Variants in DOCK3 observed in about 807,000 individuals in gnomAD.
The protein encoded by DOCK3 is dedicator of cytokinesis protein 3.
Under a neutral mutation model 265.6 loss-of-function variants are expected in DOCK3, and 60 were observed. That is an observed-to-expected ratio of 0.23 (90% CI 0.18 to 0.28). The LOEUF (loss-of-function observed/expected upper bound fraction) is 0.28. Ranked by LOEUF, DOCK3 falls within the 10% of genes least tolerant of loss-of-function variation. DOCK3 has a pLI of 1.00. For missense variants in DOCK3, 1,981 were observed against 2,594.3 expected (o/e 0.76, Z 5.14); for synonymous variants, 881 against 938.0 (o/e 0.94, Z 1.11).
intron 5 of DOCK3, among the ~76,000 whole-genome samples, chr3:51,005,356 C>T (rs1559924306): frequency 6.6e-6 from 1 of 152,136 alleles, no homozygotes; most frequent in Admixed American, 6.5e-5. Flanking sequence ...CTGACCTCTT[C>T]TTTTCTGTTT....
intron 3 of DOCK3, among the ~76,000 whole-genome samples, chr3:50,864,498 C>T (rs2047051426): frequency 6.6e-6 from 1 of 152,018 alleles, no homozygotes; most frequent in South Asian, 2.1e-4. Flanking sequence ...TTCAGGGCTT[C>T]CCCAACAATT....
At chr3:50,973,081 C>A (rs1575647551) in intron 5 of DOCK3, among the ~76,000 whole-genome samples, 1 of 25,714 alleles carries the variant, frequency 3.9e-5, no homozygotes, top group African/African-American at 1.4e-4. Flanking sequence ...TTTGCAGTTC[C>A]AACCTTTTAT....
chr3:50,873,390 T>A (rs2047530699), intron 3 of DOCK3, among the ~76,000 whole-genome samples: 1 of 152,154 alleles, frequency 6.6e-6, no homozygotes, highest in South Asian at 2.1e-4. Flanking sequence ...CAGTGCCTTA[T>A]CCTGCTGTGA....
At chr3:51,340,988 G>A (rs1004844458) in intron 37 of DOCK3, among the ~76,000 whole-genome samples, 1 of 152,198 alleles carries the variant, frequency 6.6e-6, no homozygotes, top group African/African-American at 2.4e-5. Context: ...TTAATCTGGA[G>A]GCTGGAACAG....
chr3:51,194,332 A>G (rs1171373137), intron 12 of DOCK3, among the ~76,000 whole-genome samples: 2 of 152,168 alleles, frequency 1.3e-5, no homozygotes, highest in Non-Finnish European at 2.9e-5. Flanking sequence ...CATTTGGTCT[A>G]TACTGGAGAA....
At chr3:51,140,785 G>A (rs2085019971) in intron 9 of DOCK3, among the ~76,000 whole-genome samples, 1 of 152,036 alleles carries the variant, frequency 6.6e-6, no homozygotes, top group African/African-American at 2.4e-5. Flanking sequence ...TTTGAATAAA[G>A]CCATTCTAGA....
At chr3:51,164,245 C>T (rs1177417687) in intron 12 of DOCK3, among the ~76,000 whole-genome samples, 4 of 152,140 alleles carry the variant, frequency 2.6e-5, no homozygotes, top group African/African-American at 9.7e-5. Flanking sequence ...GCCAGATAAC[C>T]TTCATAAGCA....
rs564471790 is a variant in DOCK3, at chr3:51,238,309, A to AT, written c.2102+725dup. Among the ~76,000 whole-genome samples, 23 of 151,186 alleles carry AT rather than the reference A, an allele frequency of 1.5e-4. No homozygotes were observed. In the East Asian group the frequency reaches 3.1e-3, roughly 21 times the overall value. On this transcript the variant is annotated intron_variant, in intron 21 of 52. Coordinates refer to ENST00000266037, the MANE Select transcript of DOCK3 (RefSeq NM_004947.5). ...AGGTGCCCACCACCACACCTGGCTA[A>AT]TTTTTTGTATTTTTAGTAGAGTCAG...
intron 9 of DOCK3, among the ~76,000 whole-genome samples, chr3:51,101,925 G>A (rs920334105): frequency 1.3e-5 from 2 of 152,122 alleles, no homozygotes; most frequent in Non-Finnish European, 2.9e-5. Flanking sequence ...TACCACTAAA[G>A]CTTTTCCAGA....
intron 1 of DOCK3, among the ~76,000 whole-genome samples, chr3:50,680,337 G>T (rs1335736084): frequency 1.3e-5 from 2 of 150,196 alleles, no homozygotes; most frequent in African/African-American, 4.9e-5. Flanking sequence ...TCAGCCTTCT[G>T]AGTAGCTGGG....
chr3:51,341,479 A>G (rs2085239901), intron 38 of DOCK3, 94 bp downstream of exon 38: 2 of 1,515,332 alleles, frequency 1.3e-6, no homozygotes, highest in Admixed American at 3.9e-5. Flanking sequence ...TGCAGGGGGT[A>G]GTGTGTGGGG....
At chr3:51,239,239 T>C (rs1427614423) in intron 21 of DOCK3, among the ~76,000 whole-genome samples, 1 of 49,686 alleles carries the variant, frequency 2.0e-5, no homozygotes, top group Admixed American at 1.5e-4. Flanking sequence ...AGACAGAGTC[T>C]CACTCTGTCA....
chr3:50,983,130 G>A (rs2077758643), intron 5 of DOCK3, among the ~76,000 whole-genome samples: 1 of 152,112 alleles, frequency 6.6e-6, no homozygotes, highest in Non-Finnish European at 1.5e-5. Context: ...CTGCTGCCTC[G>A]GCCCCCTCTG....
chr3:51,239,986 G>A (rs908455847), intron 21 of DOCK3, among the ~76,000 whole-genome samples: 2 of 152,102 alleles, frequency 1.3e-5, no homozygotes, highest in African/African-American at 4.8e-5. Flanking sequence ...TCTTCTGCTA[G>A]TTTAGGAATT....
At chr3:50,855,966 T>C (rs955255628) in intron 3 of DOCK3, among the ~76,000 whole-genome samples, 4 of 152,224 alleles carry the variant, frequency 2.6e-5, no homozygotes, top group Non-Finnish European at 4.4e-5. Flanking sequence ...ATGAGTTTGC[T>C]GAGGATAACA....
chr3:50,675,468 G>C lies in DOCK3; in HGVS notation c.37+168G>C. 6.6e-6 allele frequency among the ~76,000 whole-genome samples: 1 copy of C among 151,734 alleles called. No individual in the cohort carries two copies. The highest frequency in any genetic ancestry group is 2.4e-5 in the African/African-American group (1 of 41,468). The stretch of plus-strand genomic sequence containing the variant: ...CAGGTGCGGGTGCGGGTGCGGGTGC[G>C]GGGGTGGGCGCGGGTCTCTGTGCAG... On this transcript the variant is annotated intron_variant, in intron 1 of 52. Coordinates refer to ENST00000266037, the MANE Select transcript of DOCK3 (RefSeq NM_004947.5). The surrounding 1 kb of genome is among the most constrained non-coding windows in gnomAD (Gnocchi z 6.1).
At chr3:51,196,775 A>T (rs1028552350) in intron 12 of DOCK3, among the ~76,000 whole-genome samples, 11 of 152,188 alleles carry the variant, frequency 7.2e-5, no homozygotes, top group Admixed American at 2.6e-4. Flanking sequence ...TCTCATTCAT[A>T]TCCTGAATTG....
At chr3:50,967,920 AT>A (rs1405307929) in intron 5 of DOCK3, among the ~76,000 whole-genome samples, 1 of 152,124 alleles carries the variant, frequency 6.6e-6, no homozygotes, top group Non-Finnish European at 1.5e-5. Flanking sequence ...GCTGGGCCAT[AT>A]GGTAGTTCTG....
At chr3:51,295,280 T>C (rs544589193) in intron 27 of DOCK3, among the ~76,000 whole-genome samples, 1 of 152,306 alleles carries the variant, frequency 6.6e-6, no homozygotes, top group South Asian at 2.1e-4. Context: ...GGAGAGCCAG[T>C]GTGTGCAGAG....
Sources: gnomAD v4.1 joint callset for allele counts (sites outside exome capture counted in the v4.1 genomes callset) on GRCh38, gnomAD v4.1.1 for gene constraint, Gnocchi (gnomAD v3.1) non-coding constraint, MANE v1.5 for transcripts, NCBI Gene and HGNC (gene_info 2026-07-23, HGNC 2026-07-21) for gene names.